NPAS3: variants seen among roughly 807,000 people sequenced by gnomAD.
NPAS3 encodes neuronal PAS domain protein 3, also known as neuronal PAS domain-containing protein 3.
NPAS3 carries 14 observed loss-of-function variants against 73.1 expected under a neutral mutation model. That is an observed-to-expected ratio of 0.19 (90% CI 0.13 to 0.30). The LOEUF (loss-of-function observed/expected upper bound fraction) is 0.30. Among genes scored for constraint, NPAS3 ranks in the 10% least tolerant of loss-of-function variants. The pLI, the probability that NPAS3 is intolerant of heterozygous loss-of-function variation, is 1.00. For synonymous variants in NPAS3, 620 were observed against 541.5 expected (o/e 1.14, Z -2.01); for missense variants, 1,096 against 1,250.0 (o/e 0.88, Z 1.86).
At chr14:33,065,248 A>G (rs2041239062) in intron 2 of NPAS3, among the ~76,000 whole-genome samples, 1 of 152,118 alleles carries the variant, frequency 6.6e-6, no homozygotes, top group Non-Finnish European at 1.5e-5. Flanking sequence ...GTGGTGAGAA[A>G]GGTGTGGTGA....
chr14:33,772,500 G>A (rs1369550017), intron 7 of NPAS3, among the ~76,000 whole-genome samples: 3 of 152,184 alleles, frequency 2.0e-5, no homozygotes, highest in African/African-American at 7.2e-5. Flanking sequence ...AATTGCTTTG[G>A]AATAGAATAC....
intron 4 of NPAS3, among the ~76,000 whole-genome samples, chr14:33,516,296 C>T (rs2053293662): frequency 6.6e-6 from 1 of 152,086 alleles, no homozygotes; most frequent in African/African-American, 2.4e-5. Flanking sequence ...GTAAATACTT[C>T]CTCTTTCCTT....
At chr14:33,347,756 G>C (rs796411043) in intron 3 of NPAS3, among the ~76,000 whole-genome samples, 65 of 152,264 alleles carry the variant, frequency 4.3e-4, no homozygotes, top group African/African-American at 1.5e-3. Flanking sequence ...ATCATTTCTA[G>C]ATTACTTATA....
At chr14:33,456,001 T>C (rs976884703) in intron 4 of NPAS3, among the ~76,000 whole-genome samples, 2 of 152,194 alleles carry the variant, frequency 1.3e-5, no homozygotes, top group African/African-American at 4.8e-5. Flanking sequence ...AATATGGCAG[T>C]TTTTCTGCAG....
At chr14:33,105,500 A>G (rs920798343) in intron 2 of NPAS3, among the ~76,000 whole-genome samples, 3 of 152,146 alleles carry the variant, frequency 2.0e-5, no homozygotes, top group Non-Finnish European at 4.4e-5. Context: ...CAGGTTTCAA[A>G]CTGTATATCC....
At chr14:33,792,875 C>A (rs1566547590) in intron 9 of NPAS3, among the ~76,000 whole-genome samples, 1 of 152,212 alleles carries the variant, frequency 6.6e-6, no homozygotes, top group Non-Finnish European at 1.5e-5. Context: ...TAGTGGCCAG[C>A]CAGCCGGTGA....
chr14:33,231,352 TA>T (rs1479252255), intron 3 of NPAS3, among the ~76,000 whole-genome samples: 10 of 152,296 alleles, frequency 6.6e-5, no homozygotes, highest in African/African-American at 2.4e-4. Context: ...TAATTTTTCT[TA>T]AAGTAATGGA....
At chr14:33,141,153 A>G (rs1369601934) in intron 2 of NPAS3, among the ~76,000 whole-genome samples, 1 of 152,216 alleles carries the variant, frequency 6.6e-6, no homozygotes, top group East Asian at 1.9e-4. Flanking sequence ...CAAGAATTTG[A>G]CATGCCAATG....
At chr14:33,055,801 G>GCCGTATCAT in intron 1 of NPAS3, 104 bp from the exon 2 acceptor site, 4 of 593,564 alleles carry the variant, frequency 6.7e-6, no homozygotes, top group Non-Finnish European at 1.2e-5. Context: ...GCTCAAAAGC[G>GCCGTATCAT]TAAAAAGCAA....
intron 6 of NPAS3, among the ~76,000 whole-genome samples, chr14:33,709,067 C>T (rs2060742280): frequency 6.6e-6 from 1 of 152,134 alleles, no homozygotes; most frequent in South Asian, 2.1e-4. Context: ...TGGTGTTACC[C>T]CCATATATTT....
At chr14:33,613,884 CT>C (rs1443627983) in intron 5 of NPAS3, among the ~76,000 whole-genome samples, 2 of 152,166 alleles carry the variant, frequency 1.3e-5, no homozygotes, top group Non-Finnish European at 2.9e-5. Context: ...CATTTTCCTT[CT>C]CCCCCCTCTT....
intron 3 of NPAS3, among the ~76,000 whole-genome samples, chr14:33,308,698 A>C (rs2042883567): frequency 1.3e-5 from 2 of 151,900 alleles, no homozygotes; most frequent in East Asian, 3.9e-4. Flanking sequence ...ATGTTCCTTA[A>C]ATAATTTTCC....
At chr14:33,475,773 G>C (rs1594980059) in intron 4 of NPAS3, among the ~76,000 whole-genome samples, 3 of 152,228 alleles carry the variant, frequency 2.0e-5, no homozygotes, top group East Asian at 3.9e-4. Context: ...TTTGTGAATG[G>C]GAGAGAAAAC....
intron 1 of NPAS3, among the ~76,000 whole-genome samples, chr14:33,014,197 T>C (rs1009145494): frequency 5.3e-5 from 8 of 152,174 alleles, no homozygotes; most frequent in Admixed American, 1.3e-4. Flanking sequence ...TAAAATGTTA[T>C]GCTGTCACAT....
At chr14:32,980,291 T>C (rs2037844942) in intron 1 of NPAS3, among the ~76,000 whole-genome samples, 1 of 152,196 alleles carries the variant, frequency 6.6e-6, no homozygotes, top group South Asian at 2.1e-4. Context: ...CTCTCTTATT[T>C]TGGTCGGTTG....
intron 7 of NPAS3, among the ~76,000 whole-genome samples, chr14:33,744,305 G>C (rs2061730073): frequency 6.6e-6 from 1 of 152,148 alleles, no homozygotes; most frequent in Admixed American, 6.5e-5. Flanking sequence ...TTATGTCACA[G>C]GGAATAAGGA....
intron 4 of NPAS3, among the ~76,000 whole-genome samples, chr14:33,459,132 G>A (rs1412889512): frequency 6.6e-6 from 1 of 152,192 alleles, no homozygotes; most frequent in East Asian, 1.9e-4. Flanking sequence ...TGATGGGAGT[G>A]TAGCAGTGAG....
intron 3 of NPAS3, among the ~76,000 whole-genome samples, chr14:33,313,815 T>C (rs1594668146): frequency 6.6e-6 from 1 of 152,162 alleles, no homozygotes; most frequent in South Asian, 2.1e-4. Context: ...ATTTCGAAAA[T>C]AGCAATCTCT....
At chr14:33,627,969 C>A (rs111977783) in intron 5 of NPAS3, among the ~76,000 whole-genome samples, 1 of 152,242 alleles carries the variant, frequency 6.6e-6, no homozygotes, top group East Asian at 1.9e-4. Context: ...CCCAAAAATG[C>A]AAACATGGTG....
Sources: gnomAD v4.1 joint callset for allele counts (sites outside exome capture counted in the v4.1 genomes callset) on GRCh38, gnomAD v4.1.1 for gene constraint, MANE v1.5 for transcripts, NCBI Gene and HGNC (gene_info 2026-07-23, HGNC 2026-07-21) for gene names.